The following CLIC5 variants were observed in gnomAD, a reference collection of about 807,000 sequenced individuals.
CLIC5 encodes the protein CLIC family member 5.
A neutral mutation model predicts 24.7 loss-of-function variants in CLIC5; 20 were observed. The observed-to-expected ratio is 0.81, with a 90% CI of 0.57 to 1.18. The LOEUF is 1.18. Ranked by LOEUF, CLIC5 falls within the 50% of genes most tolerant of loss-of-function variation. The probability of loss-of-function intolerance (pLI) is 0.00; values close to 1 mark genes in which losing one functional copy is unlikely to be tolerated. For synonymous variants in CLIC5, 159 were observed against 135.6 expected (o/e 1.17, Z -1.20); for missense variants, 341 against 326.1 (o/e 1.05, Z -0.35).
intron 1 of CLIC5, among the ~76,000 whole-genome samples, chr6:46,069,556 G>A (rs563999497): frequency 2.6e-5 from 4 of 151,698 alleles, no homozygotes; most frequent in African/African-American, 9.7e-5. Context: ...TTCCAAAATT[G>A]AATCGGTAAT....
chr6:46,105,110 A>T, the CLIC5 span, among the ~76,000 whole-genome samples: 1 of 152,202 alleles, frequency 6.6e-6, no homozygotes, highest in Admixed American at 6.5e-5. Context: ...GTCAGCTGAG[A>T]CGCTGAGACC....
chr6:46,085,096 A>T (rs199738485), upstream of CLIC5, among the ~76,000 whole-genome samples: 30 of 147,486 alleles, frequency 2.0e-4, no homozygotes, highest in South Asian at 8.7e-4. Flanking sequence ...TTCTTCACGT[A>T]GTTCTGGAGC....
intron 1 of CLIC5, among the ~76,000 whole-genome samples, chr6:45,995,534 A>C (rs113234337): frequency 6.6e-6 from 1 of 152,190 alleles, no homozygotes; most frequent in African/African-American, 2.4e-5. Context: ...CCCTACCTAC[A>C]ATACTGGGTT....
In CLIC5 at chr6:45,914,258, G is replaced by A. The variant is rs1439490272; in HGVS notation, c.558C>T (p.Cys186=). 6.2e-6 allele frequency: 10 copies of A among 1,604,572 alleles called. No homozygotes were observed. The highest frequency in any genetic ancestry group is 4.0e-5 in the African/African-American group (3 of 74,786). Residue 186 remains cysteine, a synonymous_variant, in exon 5 of 6, where the codon TGC becomes TGT. Coordinates refer to ENST00000339561, the MANE Select transcript of CLIC5 (RefSeq NM_016929.5). ...CCACATGGAGCTTGGGCAACAGATT[G>A]CAGTCAGCCAGGGTCAGCTCATCCC... The part of the protein sequence containing the change: ...LDGDELTLAD[C]NLLPKLHVVK...
intron 1 of CLIC5, among the ~76,000 whole-genome samples, chr6:46,067,583 T>A (rs1449840282): frequency 1.3e-5 from 2 of 152,182 alleles, no homozygotes; most frequent in Admixed American, 1.3e-4. Context: ...CACAGGCTGC[T>A]CCTTGCAGTG....
At chr6:45,948,009 T>C (rs1020235432) in intron 3 of CLIC5, among the ~76,000 whole-genome samples, 3 of 152,206 alleles carry the variant, frequency 2.0e-5, no homozygotes, top group Non-Finnish European at 2.9e-5. Flanking sequence ...GCAGTTTTAA[T>C]TTTTTAACAG....
At chr6:46,006,047 A>AAT (rs35387272) in intron 1 of CLIC5, among the ~76,000 whole-genome samples, 2 of 127,250 alleles carry the variant, frequency 1.6e-5, no homozygotes, top group African/African-American at 3.2e-5. Flanking sequence ...TACATGTATA[A>AAT]ATATATATAT....
At chr6:45,985,076 A>G (rs542930724) in intron 1 of CLIC5, among the ~76,000 whole-genome samples, 24 of 152,336 alleles carry the variant, frequency 1.6e-4, no homozygotes, top group African/African-American at 5.5e-4. Flanking sequence ...TAGCTTGGTC[A>G]TGCTGGAGGG....
chr6:45,909,001 T>C (rs1188545606), intron 5 of CLIC5, among the ~76,000 whole-genome samples: 3 of 152,066 alleles, frequency 2.0e-5, no homozygotes, highest in Non-Finnish European at 2.9e-5. Context: ...CTTCTTGTTG[T>C]AGTCACCCCT....
intron 1 of CLIC5, among the ~76,000 whole-genome samples, chr6:45,961,917 T>A (rs1022739540): frequency 6.6e-6 from 1 of 152,192 alleles, no homozygotes; most frequent in African/African-American, 2.4e-5. Context: ...ATGTATGGGC[T>A]TAATTAGCTC....
intron 5 of CLIC5, among the ~76,000 whole-genome samples, chr6:45,905,261 G>C (rs978640506): frequency 1.3e-5 from 2 of 152,168 alleles, no homozygotes; most frequent in African/African-American, 4.8e-5. Flanking sequence ...GGGATTGCTT[G>C]GTCAAATGAT....
At chr6:45,932,026 A>T (rs1442867885) in intron 4 of CLIC5, among the ~76,000 whole-genome samples, 1 of 152,174 alleles carries the variant, frequency 6.6e-6, no homozygotes, top group East Asian at 1.9e-4. Context: ...GCCTCCAAAG[A>T]TCCAGCCTCT....
chr6:46,113,803 A>G, the CLIC5 span, among the ~76,000 whole-genome samples: 1 of 152,192 alleles, frequency 6.6e-6, no homozygotes, highest in African/African-American at 2.4e-5. Context: ...AATCTGACCA[A>G]CGTCCTTATC....
chr6:45,973,173 C>G (rs34494695), intron 1 of CLIC5, among the ~76,000 whole-genome samples: 2 of 152,192 alleles, frequency 1.3e-5, no homozygotes, highest in Non-Finnish European at 2.9e-5. Context: ...TCCTGCACCC[C>G]CTGAAGTTAC....
intron 6 of CLIC5, among the ~76,000 whole-genome samples, chr6:45,882,042 G>T (rs1231842085): frequency 4.0e-5 from 6 of 151,890 alleles, no homozygotes; most frequent in Admixed American, 3.9e-4. Context: ...AACAAGCCAG[G>T]CAGGGCTCAT....
At chr6:46,033,129 C>T (rs1189632593) in intron 1 of CLIC5, among the ~76,000 whole-genome samples, 1 of 151,802 alleles carries the variant, frequency 6.6e-6, no homozygotes, top group Non-Finnish European at 1.5e-5. Flanking sequence ...CCTGGGACTA[C>T]AGGCATGTGC....
intron 1 of CLIC5, among the ~76,000 whole-genome samples, chr6:45,989,993 G>A (rs1765876626): frequency 6.6e-6 from 1 of 152,154 alleles, no homozygotes; most frequent in African/African-American, 2.4e-5. Context: ...GAGCTTGGAA[G>A]TGAATCCCTA....
intron 1 of CLIC5, among the ~76,000 whole-genome samples, chr6:46,076,714 A>C (rs1762780641): frequency 6.6e-6 from 1 of 152,200 alleles, no homozygotes; most frequent in African/African-American, 2.4e-5. Context: ...AGTTTTAGGT[A>C]ATTTGTTAGA....
intron 6 of CLIC5, among the ~76,000 whole-genome samples, chr6:45,883,109 T>C (rs1323719526): frequency 6.6e-6 from 1 of 152,122 alleles, no homozygotes; most frequent in Non-Finnish European, 1.5e-5. Context: ...AGAAAGTAAA[T>C]TCTTACCTGT....
Sources: gnomAD v4.1 joint callset for allele counts (sites outside exome capture counted in the v4.1 genomes callset) on GRCh38, gnomAD v4.1.1 for gene constraint, MANE v1.5 for transcripts, NCBI Gene and HGNC (gene_info 2026-07-23, HGNC 2026-07-21) for gene names.